Variants in RELN observed in about 807,000 individuals in gnomAD.
RELN encodes the protein reelin.
A neutral mutation model predicts 427.6 loss-of-function variants in RELN; 108 were observed. The observed-to-expected ratio is 0.25, with a 90% CI of 0.22 to 0.30. The LOEUF (loss-of-function observed/expected upper bound fraction) is 0.30. RELN is among the 10% of genes least tolerant of loss of function. The pLI is 1.00. For synonymous variants in RELN, 1,524 were observed against 1,513.4 expected, an observed-to-expected ratio of 1.01 and a Z score of -0.16; for missense variants, 3,715 against 4,302.8, an observed-to-expected ratio of 0.86 and a Z score of 3.82.
At chr7:103,598,721 T>A (rs60100637) in intron 24 of RELN, among the ~76,000 whole-genome samples, 15 of 152,326 alleles carry the variant, frequency 9.8e-5, no homozygotes, top group African/African-American at 3.6e-4. Flanking sequence ...CTGAAAGTGT[T>A]TTTTCCTAGA....
intron 3 of RELN, among the ~76,000 whole-genome samples, chr7:103,812,320 G>A (rs1298954049): frequency 6.6e-6 from 1 of 152,090 alleles, no homozygotes; most frequent in Non-Finnish European, 1.5e-5. Flanking sequence ...TTGCCCTTCT[G>A]ACCTTGTGCA....
intron 4 of RELN, 115 bp from the exon 5 acceptor site, chr7:103,753,329 C>T: frequency 2.9e-6 from 3 of 1,021,206 alleles, no homozygotes; most frequent in Non-Finnish European, 4.6e-6. Flanking sequence ...AATCAAATGG[C>T]TACAGACTTT....
intron 6 of RELN, among the ~76,000 whole-genome samples, chr7:103,735,747 T>C (rs1338437014): frequency 6.6e-6 from 1 of 152,160 alleles, no homozygotes; most frequent in East Asian, 1.9e-4. Flanking sequence ...CAAATTATCA[T>C]TTGAGATACA....
chr7:103,900,105 G>C (rs1366811783), intron 2 of RELN, among the ~76,000 whole-genome samples: 1 of 152,092 alleles, frequency 6.6e-6, no homozygotes, highest in Non-Finnish European at 1.5e-5. Context: ...CAAAGTCTCA[G>C]GATACAAAAT....
intron 33 of RELN, 59 bp from the exon 34 acceptor site, chr7:103,565,610 T>C: frequency 1.3e-6 from 2 of 1,548,926 alleles, no homozygotes; most frequent in Non-Finnish European, 1.8e-6. Flanking sequence ...TATTTGGTGT[T>C]TATGCTTATA....
chr7:103,661,285 T>C (rs1179005271), intron 12 of RELN, 91 bp downstream of exon 12: 16 of 1,346,016 alleles, frequency 1.2e-5, no homozygotes, highest in Non-Finnish European at 1.6e-5. Flanking sequence ...TCATTTTACG[T>C]AGTTGACAAC....
Position 103,522,044 on chromosome 7 carries a change from C to T in RELN, c.7646G>A (p.Gly2549Glu). ...CACCCCACTGAAATGGAGAGCCATT[C>T]CCGACGCCACGGCTCCACACACTGT... ...LSTVCGAVAS[G>E]MALHFSGGCS... Residue 2549 changes from glycine (G) to glutamate (E), a missense_variant, in exon 48 of 65, where the codon GGA becomes GAA. This residue lies in a region of RELN where 1,310 missense variants were observed against 1,643.0 expected (regional missense o/e 0.80). Transcript: ENST00000428762. The T allele has an allele frequency of 6.2e-7, 1 of 1,614,098 alleles. No homozygotes were observed. Among genetic ancestry groups the T allele is most frequent in the Non-Finnish European group, 8.5e-7 (1 of 1,180,020 alleles).
At chr7:103,510,724 T>A (rs913628247) in intron 51 of RELN, 127 bp downstream of exon 51, 1 of 747,756 alleles carries the variant, frequency 1.3e-6, no homozygotes, top group African/African-American at 1.7e-5. Context: ...TATATTAGTT[T>A]AATAGTAAAT....
At chr7:103,731,299 C>T (rs764983703) in intron 6 of RELN, among the ~76,000 whole-genome samples, 1 of 152,064 alleles carries the variant, frequency 6.6e-6, no homozygotes, top group African/African-American at 2.4e-5. Flanking sequence ...TTATGACACA[C>T]AGCTGAACTG....
chr7:103,833,938 A>G (rs1327325834), intron 2 of RELN, among the ~76,000 whole-genome samples: 6 of 152,194 alleles, frequency 3.9e-5, no homozygotes, highest in African/African-American at 1.4e-4. Flanking sequence ...TTTGCCTATC[A>G]CCAAAAACCA....
intron 2 of RELN, among the ~76,000 whole-genome samples, chr7:103,846,834 T>C (rs1793690170): frequency 6.6e-6 from 1 of 152,146 alleles, no homozygotes; most frequent in Non-Finnish European, 1.5e-5. Context: ...TCATCATCAC[T>C]GGTCATTACA....
intron 4 of RELN, among the ~76,000 whole-genome samples, chr7:103,764,834 C>CAAAAAAAA (rs545236187): frequency 1.9e-5 from 1 of 52,582 alleles, no homozygotes; most frequent in Non-Finnish European, 4.4e-5. Context: ...AGACTCCTCT[C>CAAAAAAAA]AAAAAAAAAA....
chr7:103,649,015 A>C (rs1268979163), intron 16 of RELN, among the ~76,000 whole-genome samples: 1 of 151,998 alleles, frequency 6.6e-6, no homozygotes, highest in African/African-American at 2.4e-5. Flanking sequence ...AAACCTCTGG[A>C]AAACAGTATA....
At chr7:103,715,958 G>T (rs573172352) in intron 8 of RELN, among the ~76,000 whole-genome samples, 41 of 152,288 alleles carry the variant, frequency 2.7e-4, no homozygotes, top group Non-Finnish European at 4.9e-4. Flanking sequence ...CATTTTCTAG[G>T]AGGACTAATC....
At position 103,636,236 on chromosome 7, in the gene RELN, T is replaced by C; in HGVS notation, c.2302A>G (p.Arg768Gly). ...GTATTCTACCCTGCCTTCACTCACC[T>C]GGATTGTGAGCTGTCAAGGAAAGAT... ...ITSFLDSSQSRFLQFTLRLGS... is the reference protein window; with the variant it reads ...ITSFLDSSQSGFLQFTLRLGS... Residue 768 changes from arginine (R) to glycine (G), a missense_variant and splice_region_variant, in exon 18 of 65, where the codon AGG becomes GGG. Transcript: ENST00000428762. 1.2e-6 allele frequency: 2 copies of C among 1,606,150 alleles called. No individual in the cohort carries two copies. The highest frequency in any genetic ancestry group is 1.7e-6 in the Non-Finnish European group (2 of 1,172,930).
chr7:103,964,898 A>G (rs1796631887), intron 1 of RELN, among the ~76,000 whole-genome samples: 1 of 152,186 alleles, frequency 6.6e-6, no homozygotes, highest in Admixed American at 6.5e-5. Flanking sequence ...CAGCTCCCCC[A>G]GTTAGGTGAG....
At chr7:103,498,000 C>A (rs1828892852) in intron 54 of RELN, 74 bp from the exon 55 acceptor site, 1 of 1,599,074 alleles carries the variant, frequency 6.3e-7, no homozygotes, top group South Asian at 1.1e-5. Flanking sequence ...TGGATAATTT[C>A]TTCCATACAA....
At chr7:103,933,553 G>A (rs1258524410) in intron 1 of RELN, among the ~76,000 whole-genome samples, 2 of 152,024 alleles carry the variant, frequency 1.3e-5, no homozygotes, top group African/African-American at 2.4e-5. Flanking sequence ...AAGGCAGGCA[G>A]GCAGGCAGTC....
At chr7:103,553,970 G>C in intron 38 of RELN, 139 bp from the exon 39 acceptor site, 2 of 732,004 alleles carry the variant, frequency 2.7e-6, no homozygotes, top group South Asian at 3.2e-5. Context: ...AGGATTGTTT[G>C]AGCCCAGGAG....
Sources: allele counts gnomAD v4.1 joint callset (sites outside exome capture counted in the v4.1 genomes callset), GRCh38; gene constraint gnomAD v4.1.1; regional missense constraint gnomAD v4.1.1; transcripts MANE v1.5; gene names NCBI Gene and HGNC (gene_info 2026-07-23, HGNC 2026-07-21).